MMS22L: variants seen among roughly 807,000 people sequenced by gnomAD.
MMS22L encodes protein MMS22-like.
In MMS22L, 74 loss-of-function variants were observed where a neutral mutation model predicts 159.1. The ratio of observed to expected loss-of-function variants is 0.47; its 90% confidence interval spans 0.39 to 0.56. The LOEUF (loss-of-function observed/expected upper bound fraction) is 0.56. MMS22L is among the 20% of genes least tolerant of loss of function. The probability of loss-of-function intolerance (pLI) is 0.00; values close to 1 mark genes in which losing one functional copy is unlikely to be tolerated. For synonymous variants in MMS22L, 517 were observed against 506.9 expected, an observed-to-expected ratio of 1.02 and a Z score of -0.27; for missense variants, 1,351 against 1,422.1, an observed-to-expected ratio of 0.95 and a Z score of 0.80.
At chr6:97,249,802 A>G (rs771631419) in intron 10 of MMS22L, among the ~76,000 whole-genome samples, 16 of 147,558 alleles carry the variant, frequency 1.1e-4, no homozygotes, top group African/African-American at 4.0e-4. Flanking sequence ...ATTCTTTATT[A>G]AGAAAATGTC....
intron 9 of MMS22L, among the ~76,000 whole-genome samples, chr6:97,258,121 C>T (rs1464611183): frequency 6.6e-6 from 1 of 152,144 alleles, no homozygotes; most frequent in African/African-American, 2.4e-5. Flanking sequence ...TTTTGTAGCT[C>T]AACAGCAATG....
intron 14 of MMS22L, among the ~76,000 whole-genome samples, chr6:97,217,182 C>T (rs2127965465): frequency 6.6e-6 from 1 of 152,152 alleles, no homozygotes; most frequent in East Asian, 1.9e-4. Flanking sequence ...CTATTCTATT[C>T]TATGCTTCTT....
rs762543110 is a variant in MMS22L, at chr6:97,146,810, G to A, written c.3728C>T (p.Thr1243Ile). The change falls in exon 25 of 25, where the codon ACT (threonine) becomes ATT (isoleucine). Residue 1243 changes from threonine to isoleucine, a missense_variant. By Grantham distance (89) the Thr-to-Ile change is moderately conservative. Transcript: ENST00000683635. ...DEMQRLENDN[T>I] is the part of the protein sequence containing the mutation. ...CAGGATGAATCACAAAATATATTAA[G>A]TATTATCATTTTCCAGTCTCTGCAT... 6.4e-7 allele frequency: 1 copy of A among 1,571,414 alleles called. No homozygotes were observed. Among genetic ancestry groups the A allele is most frequent in the East Asian group, 2.4e-5 (1 of 42,550 alleles).
chr6:97,229,247 A>G lies in MMS22L; in HGVS notation c.1686T>C (p.Phe562=), dbSNP rs561401072. ...LDLLNFLKPA[F]VTSQRALIWK... ...AAATGAGGGCTCTCTGAGACGTTAC[A>G]AAAGCAGGCTTGAGGAAATTCAGGA... Residue 562 remains phenylalanine, a synonymous_variant, in exon 14 of 25, where the codon TTT becomes TTC. Transcript: ENST00000683635. 1.2e-6 allele frequency: 2 copies of G among 1,614,182 alleles called. No individual in the cohort carries two copies. The highest frequency in any genetic ancestry group is 2.2e-5 in the South Asian group (2 of 91,084).
chr6:97,282,178 T>A, intron 2 of MMS22L, 136 bp downstream of exon 2: 1 of 816,890 alleles, frequency 1.2e-6, no homozygotes, highest in South Asian at 1.9e-5. Context: ...TAATCATTTG[T>A]ACCCTTATGA....
At chr6:97,269,867 T>C (rs1815539932) in intron 7 of MMS22L, 35 bp downstream of exon 7, 1 of 1,472,142 alleles carries the variant, frequency 6.8e-7, no homozygotes, top group African/African-American at 1.4e-5. Context: ...AAGCTGATTT[T>C]AAAAAGAATA....
At chr6:97,277,903 T>C (rs1458708973) in intron 4 of MMS22L, among the ~76,000 whole-genome samples, 7 of 152,148 alleles carry the variant, frequency 4.6e-5, no homozygotes, top group African/African-American at 1.4e-4. Flanking sequence ...TAGTCTTTGG[T>C]TGCTAGGCAT....
chr6:97,221,586 G>T (rs981639491), intron 14 of MMS22L, among the ~76,000 whole-genome samples: 5 of 151,798 alleles, frequency 3.3e-5, no homozygotes, highest in Non-Finnish European at 7.4e-5. Flanking sequence ...AGGAAAAAAA[G>T]TTTTTCTTTA....
intron 8 of MMS22L, 173 bp downstream of exon 8, chr6:97,267,699 T>G (rs1257052917): frequency 2.2e-6 from 1 of 461,656 alleles, no homozygotes; most frequent in Non-Finnish European, 3.4e-6. Flanking sequence ...TCCAGCCTCT[T>G]TTAGATGTTT....
At chr6:97,177,967 T>C (rs1804288534) in intron 18 of MMS22L, among the ~76,000 whole-genome samples, 1 of 152,164 alleles carries the variant, frequency 6.6e-6, no homozygotes, top group Non-Finnish European at 1.5e-5. Flanking sequence ...GTACTGTTTA[T>C]TATGGAAACA....
chr6:97,232,417 G>C (rs771334432), intron 12 of MMS22L, among the ~76,000 whole-genome samples: 2 of 152,022 alleles, frequency 1.3e-5, no homozygotes, highest in Admixed American at 6.5e-5. Context: ...AATATAGTTT[G>C]TATTTTCTTT....
chr6:97,201,602 C>G (rs903696264), intron 14 of MMS22L, among the ~76,000 whole-genome samples: 2 of 152,220 alleles, frequency 1.3e-5, no homozygotes, highest in African/African-American at 4.8e-5. Context: ...AATTTAACTT[C>G]CAGCACCAGC....
At chr6:97,230,429 G>A (rs575472174) in intron 13 of MMS22L, 67 of 151,824 alleles carry the variant, frequency 4.4e-4, no homozygotes, top group African/African-American at 1.6e-3. Context: ...TTCTATAACT[G>A]GCTTATTCAG....
intron 10 of MMS22L, among the ~76,000 whole-genome samples, chr6:97,249,495 T>C (rs1035762441): frequency 2.0e-5 from 3 of 152,154 alleles, no homozygotes; most frequent in Non-Finnish European, 4.4e-5. Context: ...AACTTGGTAG[T>C]TGGCCCTAAA....
chr6:97,260,391 C>T (rs1014871255), intron 9 of MMS22L: 2 of 152,090 alleles, frequency 1.3e-5, no homozygotes, highest in Non-Finnish European at 2.9e-5. Flanking sequence ...TTGTTTTCAA[C>T]CTTTCTTCTA....
At chr6:97,195,257 C>T (rs1806367979) in intron 14 of MMS22L, among the ~76,000 whole-genome samples, 1 of 152,126 alleles carries the variant, frequency 6.6e-6, no homozygotes, top group Non-Finnish European at 1.5e-5. Context: ...GAACAACAAC[C>T]AGGAGTCCAA....
intron 14 of MMS22L, among the ~76,000 whole-genome samples, chr6:97,225,623 A>C (rs1216652674): frequency 1.4e-5 from 2 of 145,256 alleles, no homozygotes; most frequent in African/African-American, 5.3e-5. Flanking sequence ...CACAGGCTGG[A>C]GTGCAGTGGC....
chr6:97,228,511 C>T (rs13204920), intron 14 of MMS22L, among the ~76,000 whole-genome samples: 12,468 of 152,182 alleles, frequency 0.082, 947 homozygotes, highest in African/African-American at 0.2. Context: ...AACTTTGTTT[C>T]ATGCACAAAA....
At chr6:97,248,003 C>T (rs1812852040) in intron 10 of MMS22L, among the ~76,000 whole-genome samples, 1 of 152,092 alleles carries the variant, frequency 6.6e-6, no homozygotes, top group South Asian at 2.1e-4. Context: ...TAAGATGTCC[C>T]CCAGTGACCT....
Sources: gnomAD v4.1 joint callset for allele counts (sites outside exome capture counted in the v4.1 genomes callset) on GRCh38, gnomAD v4.1.1 for gene constraint, MANE v1.5 for transcripts, NCBI Gene and HGNC (gene_info 2026-07-23, HGNC 2026-07-21) for gene names.